METAP1: variants seen among roughly 807,000 people sequenced by gnomAD.
METAP1 encodes methionine aminopeptidase 1.
A neutral mutation model predicts 53.8 loss-of-function variants in METAP1; 28 were observed. The observed-to-expected ratio is 0.52, with a 90% CI of 0.39 to 0.71. METAP1 has a LOEUF of 0.71. Among genes scored for constraint, METAP1 ranks in the 30% least tolerant of loss-of-function variants. The pLI, the probability that METAP1 is intolerant of heterozygous loss-of-function variation, is 0.00. For synonymous variants in METAP1, 181 were observed against 165.7 expected, an observed-to-expected ratio of 1.09 and a Z score of -0.71; for missense variants, 389 against 479.8, an observed-to-expected ratio of 0.81 and a Z score of 1.77.
chr4:99,000,799 G>T (rs1420416561), intron 1 of METAP1, among the ~76,000 whole-genome samples: 1 of 151,506 alleles, frequency 6.6e-6, no homozygotes, highest in African/African-American at 2.4e-5. Context: ...CACCTCCCAG[G>T]CTCAAGTGAT....
intron 1 of METAP1, among the ~76,000 whole-genome samples, chr4:99,012,867 A>G (rs1007968118): frequency 6.6e-6 from 1 of 152,090 alleles, no homozygotes; most frequent in Non-Finnish European, 1.5e-5. Context: ...TTGGTCCGCA[A>G]AGGTGGGACA....
At chr4:99,008,047 A>G (rs1322730898) in intron 1 of METAP1, among the ~76,000 whole-genome samples, 1 of 152,220 alleles carries the variant, frequency 6.6e-6, no homozygotes, top group Non-Finnish European at 1.5e-5. Flanking sequence ...AAAACAGCTA[A>G]AGAACAGTTT....
intron 10 of METAP1, among the ~76,000 whole-genome samples, chr4:99,058,884 C>T (rs530596963): frequency 6.6e-6 from 1 of 152,312 alleles, no homozygotes; most frequent in South Asian, 2.1e-4. Flanking sequence ...ACACCCAGGG[C>T]TGCTAGACTG....
At chr4:99,020,480 C>T (rs1467266762) in intron 1 of METAP1, among the ~76,000 whole-genome samples, 3 of 152,088 alleles carry the variant, frequency 2.0e-5, no homozygotes, top group South Asian at 2.1e-4. Context: ...CTTCTGCCTC[C>T]GGAGCCTGAG....
chr4:99,028,761 G>T (rs1057161260), intron 1 of METAP1, 106 bp from the exon 2 acceptor site: 13 of 725,626 alleles, frequency 1.8e-5, no homozygotes, highest in African/African-American at 7.2e-5. Flanking sequence ...TACAGGTCTT[G>T]GTTTTTGCAA....
chr4:99,041,085 C>T lies in METAP1; in HGVS notation c.475C>T (p.Pro159Ser). 6.2e-7 allele frequency: 1 copy of T among 1,608,534 alleles called. No individual in the cohort carries two copies. Among genetic ancestry groups the T allele is most frequent in the South Asian group, 1.1e-5 (1 of 90,300 alleles). The stretch of plus-strand genomic sequence containing the variant: ...GGATGTTGCTGCCGGCATGATTAAA[C>T]CAGGTGTAACTACTGAAGAAATAGA... Reference protein sequence around the residue: ...VLDVAAGMIKPGVTTEEIDHA... With the variant: ...VLDVAAGMIKSGVTTEEIDHA... The change falls in exon 6 of 11, where the codon CCA becomes TCA. Residue 159 changes from proline (P) to serine (S), a missense_variant. Pro to Ser is a moderately conservative substitution (Grantham distance 74). Transcript: ENST00000296411.
chr4:99,057,186 G>A (rs1294713944), intron 9 of METAP1, among the ~76,000 whole-genome samples: 1 of 152,186 alleles, frequency 6.6e-6, no homozygotes, highest in Non-Finnish European at 1.5e-5. Flanking sequence ...TAAAAAGTAG[G>A]TTAATGTGCA....
intron 1 of METAP1, chr4:99,026,844 T>G (rs62325187): frequency 0.037 from 36,718 of 984,922 alleles, 746 homozygotes; most frequent in African/African-American, 0.06. Flanking sequence ...GTAAGGAAGA[T>G]AAAGATGGGT....
intron 4 of METAP1, chr4:99,037,800 C>G (rs1725541140): frequency 2.0e-5 from 3 of 151,896 alleles, no homozygotes; most frequent in African/African-American, 4.8e-5. Context: ...GTTTGTTTTT[C>G]CATGTGAAAT....
At chr4:99,045,984 G>T (rs569033860) in intron 8 of METAP1, among the ~76,000 whole-genome samples, 2 of 152,244 alleles carry the variant, frequency 1.3e-5, no homozygotes, top group South Asian at 4.1e-4. Context: ...TTGGATTTTG[G>T]TGCTTTCCAG....
chr4:99,035,128 A>G (rs1455932820), intron 3 of METAP1, among the ~76,000 whole-genome samples: 6 of 152,154 alleles, frequency 3.9e-5, no homozygotes, highest in South Asian at 2.1e-4. Context: ...TAGCTTGCCA[A>G]TTTGTTTGGA....
chr4:99,005,425 A>T (rs923445424), intron 1 of METAP1, among the ~76,000 whole-genome samples: 1 of 152,238 alleles, frequency 6.6e-6, no homozygotes, highest in Non-Finnish European at 1.5e-5. Context: ...TTAAAACCAC[A>T]ATGAGATACC....
At chr4:99,036,272 T>C (rs1725414077) in intron 4 of METAP1, among the ~76,000 whole-genome samples, 1 of 152,132 alleles carries the variant, frequency 6.6e-6, no homozygotes, top group Admixed American at 6.5e-5. Flanking sequence ...ATAACATTCT[T>C]ATGAATATCA....
At chr4:99,051,367 G>A (rs1209204702) in intron 9 of METAP1, among the ~76,000 whole-genome samples, 1 of 152,032 alleles carries the variant, frequency 6.6e-6, no homozygotes, top group African/African-American at 2.4e-5. Flanking sequence ...TATGAAAAGA[G>A]GAACAAAGAC....
intron 6 of METAP1, among the ~76,000 whole-genome samples, chr4:99,042,513 T>C (rs964598861): frequency 1.3e-5 from 2 of 152,196 alleles, no homozygotes; most frequent in African/African-American, 4.8e-5. Flanking sequence ...ACCATGTTTT[T>C]CTGTTAGGAG....
rs1358667374 is a variant in METAP1, at chr4:99,061,955, C to T, written c.*638C>T. On this transcript the variant is annotated 3_prime_UTR_variant, in exon 11 of 11. Coordinates refer to ENST00000296411, the MANE Select transcript of METAP1 (RefSeq NM_015143.3). ...CCAATGAGACTTTCTCCAATGTGGACTCTGTGTGTCAGTGAATGAATGTAG... is the reference window on the plus strand; with the variant it reads ...CCAATGAGACTTTCTCCAATGTGGATTCTGTGTGTCAGTGAATGAATGTAG... The T allele has an allele frequency of 6.6e-6, 1 of 152,156 alleles. No homozygotes were observed. The highest frequency in any genetic ancestry group is 2.1e-4 in the South Asian group (1 of 4,826). The allele number at this position is 152,156 out of a possible 1,614,324, so 9.4% of individuals were successfully genotyped here.
intron 2 of METAP1, among the ~76,000 whole-genome samples, chr4:99,032,326 C>T (rs113414086): frequency 3.3e-5 from 5 of 151,644 alleles, no homozygotes; most frequent in African/African-American, 7.3e-5. Context: ...CTCCTGGGCT[C>T]GAGCAATCCT....
chr4:99,028,819 T>A, intron 1 of METAP1, 48 bp from the exon 2 acceptor site: 1 of 1,340,500 alleles, frequency 7.5e-7, no homozygotes, highest in Non-Finnish European at 1.0e-6. Flanking sequence ...TTAAAATGTT[T>A]CTTATTAAGG....
At chr4:99,044,208 A>G (rs998596639) in intron 7 of METAP1, among the ~76,000 whole-genome samples, 1 of 152,144 alleles carries the variant, frequency 6.6e-6, no homozygotes, top group Non-Finnish European at 1.5e-5. Context: ...GATTACAGGC[A>G]TGAGCCACCG....
Sources: gnomAD v4.1 joint callset for allele counts (sites outside exome capture counted in the v4.1 genomes callset) on GRCh38, gnomAD v4.1.1 for gene constraint, MANE v1.5 for transcripts, NCBI Gene and HGNC (gene_info 2026-07-23, HGNC 2026-07-21) for gene names.